Variants in SMARCC1 observed in about 807,000 individuals in gnomAD.
The protein encoded by SMARCC1 is SWI/SNF related BAF chromatin remodeling complex subunit C1.
A neutral mutation model predicts 147.4 loss-of-function variants in SMARCC1; 43 were observed. The observed-to-expected ratio is 0.29, with a 90% CI of 0.23 to 0.38. SMARCC1 has a LOEUF of 0.38. SMARCC1 is among the 10% of genes least tolerant of loss of function. The probability of loss-of-function intolerance (pLI) is 1.00; values close to 1 mark genes in which losing one functional copy is unlikely to be tolerated. For missense variants in SMARCC1, 1,119 were observed against 1,381.1 expected (o/e 0.81, Z 3.01); for synonymous variants, 495 against 484.4 (o/e 1.02, Z -0.29).
intron 26 of SMARCC1, among the ~76,000 whole-genome samples, chr3:47,602,237 G>C (rs2032399046): frequency 6.6e-6 from 1 of 152,040 alleles, no homozygotes; most frequent in Non-Finnish European, 1.5e-5. Context: ...GGCTGCAGTG[G>C]GCCATGACTG....
intron 21 of SMARCC1, among the ~76,000 whole-genome samples, chr3:47,649,414 A>T (rs1430632218): frequency 6.6e-6 from 1 of 152,194 alleles, no homozygotes; most frequent in East Asian, 1.9e-4. Flanking sequence ...GGATTATCTT[A>T]ATCTCATAAT....
intron 13 of SMARCC1, among the ~76,000 whole-genome samples, chr3:47,687,131 A>C (rs1365092630): frequency 6.6e-5 from 10 of 152,236 alleles, no homozygotes; most frequent in Admixed American, 6.5e-4. Context: ...TACCTATAAC[A>C]GTTTCTATAA....
At chr3:47,670,811 C>A (rs533660046) in intron 18 of SMARCC1, 94 bp from the exon 19 acceptor site, 2 of 788,582 alleles carry the variant, frequency 2.5e-6, no homozygotes, top group Admixed American at 1.8e-5. Flanking sequence ...GACTGTGTTA[C>A]GCAAACTATC....
intron 14 of SMARCC1, among the ~76,000 whole-genome samples, chr3:47,680,822 C>T (rs2033635751): frequency 6.6e-6 from 1 of 152,066 alleles, no homozygotes; most frequent in Non-Finnish European, 1.5e-5. Context: ...GCTGGGATTA[C>T]AGGCGTGAGC....
At chr3:47,753,889 T>C (rs1172018949) in intron 2 of SMARCC1, among the ~76,000 whole-genome samples, 1 of 152,024 alleles carries the variant, frequency 6.6e-6, no homozygotes, top group Non-Finnish European at 1.5e-5. Context: ...TCCAAGAAAG[T>C]TCACAAGAAA....
At chr3:47,667,213 G>A (rs1317690707) in intron 19 of SMARCC1, among the ~76,000 whole-genome samples, 1 of 151,924 alleles carries the variant, frequency 6.6e-6, no homozygotes, top group Non-Finnish European at 1.5e-5. Context: ...AGCTACTTGG[G>A]AGGCCGAGGC....
At chr3:47,656,238 C>T (rs1447971010) in intron 21 of SMARCC1, among the ~76,000 whole-genome samples, 1 of 152,138 alleles carries the variant, frequency 6.6e-6, no homozygotes, top group East Asian at 1.9e-4. Flanking sequence ...TGTAAGAGCA[C>T]TTCCATTTGA....
At chr3:47,635,815 C>T (rs2032961481) in intron 23 of SMARCC1, among the ~76,000 whole-genome samples, 1 of 152,172 alleles carries the variant, frequency 6.6e-6, no homozygotes, top group Non-Finnish European at 1.5e-5. Flanking sequence ...ATAACTTTTT[C>T]TTCTACATAT....
chr3:47,706,332 A>G, intron 10 of SMARCC1, 77 bp downstream of exon 10: 1 of 1,357,676 alleles, frequency 7.4e-7, no homozygotes, highest in Non-Finnish European at 9.6e-7. Context: ...TCAGCCTCCA[A>G]AAGTGCTGGG....
chr3:47,720,908 A>C (rs2034225570), intron 6 of SMARCC1, among the ~76,000 whole-genome samples, 173 bp from the exon 7 acceptor site: 1 of 152,186 alleles, frequency 6.6e-6, no homozygotes, highest in African/African-American at 2.4e-5. Context: ...TATCTACCAG[A>C]TTAAAGGGAA....
intron 24 of SMARCC1, among the ~76,000 whole-genome samples, chr3:47,629,304 AC>A (rs1559629515): frequency 6.6e-6 from 1 of 152,244 alleles, no homozygotes; most frequent in Non-Finnish European, 1.5e-5. Context: ...GACCTGATTT[AC>A]ATAAGATCCG....
At chr3:47,777,482 C>T (rs2034989833) in intron 1 of SMARCC1, among the ~76,000 whole-genome samples, 2 of 151,900 alleles carry the variant, frequency 1.3e-5, no homozygotes, top group African/African-American at 4.8e-5. Context: ...TACTTTGAGT[C>T]CAGAAATTTG....
intron 27 of SMARCC1, among the ~76,000 whole-genome samples, chr3:47,589,280 C>T (rs1378949307): frequency 6.6e-6 from 1 of 152,180 alleles, no homozygotes; most frequent in Non-Finnish European, 1.5e-5. Flanking sequence ...ATGGCAGGAA[C>T]CAGGCAGCAG....
At chr3:47,590,073 G>A (rs1445921217) in intron 27 of SMARCC1, among the ~76,000 whole-genome samples, 1 of 152,192 alleles carries the variant, frequency 6.6e-6, no homozygotes, top group African/African-American at 2.4e-5. Flanking sequence ...TGGGAGAAAT[G>A]ACCTGGTCTC....
At position 47,737,337 on chromosome 3, in the gene SMARCC1, T is replaced by C. The variant is rs186620986; in HGVS notation, c.483+692A>G. Among the ~76,000 whole-genome samples the C allele has an allele frequency of 3.8e-3, 572 of 152,226 alleles. 5 individuals carry two copies. The highest frequency in any genetic ancestry group is 0.013 in the African/African-American group (539 of 41,540). ...TGAGCCCGAGAGTTCAAAGCTGCAG[T>C]GAGCCTAGCTCTGACTGCACCACTG... On this transcript the variant is annotated intron_variant, in intron 4 of 27. Coordinates refer to ENST00000254480, the MANE Select transcript of SMARCC1 (RefSeq NM_003074.4).
chr3:47,773,883 C>T (rs571405213), intron 1 of SMARCC1, among the ~76,000 whole-genome samples: 3 of 152,224 alleles, frequency 2.0e-5, no homozygotes, highest in Non-Finnish European at 2.9e-5. Context: ...CCGCCCACTT[C>T]GGCCACCCAA....
intron 9 of SMARCC1, among the ~76,000 whole-genome samples, chr3:47,707,647 G>A (rs1356500789): frequency 6.6e-6 from 1 of 152,132 alleles, no homozygotes; most frequent in African/African-American, 2.4e-5. Flanking sequence ...GCCGAGGCGG[G>A]GGGAATGCTT....
chr3:47,626,211 A>G (rs1201155064), intron 24 of SMARCC1, among the ~76,000 whole-genome samples: 1 of 151,724 alleles, frequency 6.6e-6, no homozygotes, highest in African/African-American at 2.4e-5. Flanking sequence ...CAGTAGCATG[A>G]TCTCGGCTCA....
intron 5 of SMARCC1, among the ~76,000 whole-genome samples, chr3:47,731,815 G>T (rs746354391): frequency 5.9e-5 from 9 of 152,160 alleles, no homozygotes; most frequent in Non-Finnish European, 1.2e-4. Flanking sequence ...CTGTCATCTA[G>T]GCTTTGCTGT....
Sources: allele counts gnomAD v4.1 joint callset (sites outside exome capture counted in the v4.1 genomes callset), GRCh38; gene constraint gnomAD v4.1.1; transcripts MANE v1.5; gene names NCBI Gene and HGNC (gene_info 2026-07-23, HGNC 2026-07-21).